The following TMEM182 variants were observed in gnomAD, a reference collection of about 807,000 sequenced individuals.
TMEM182 encodes transmembrane protein 182.
TMEM182 carries 20 observed loss-of-function variants against 26.8 expected under a neutral mutation model. The ratio of observed to expected loss-of-function variants is 0.75; its 90% CI spans 0.53 to 1.09. TMEM182 has a LOEUF of 1.09. TMEM182 is among the 50% of genes least tolerant of loss of function. TMEM182 has a pLI of 0.00. For missense variants in TMEM182, 277 were observed against 275.5 expected (o/e 1.01, Z -0.04); for synonymous variants, 109 against 102.2 (o/e 1.07, Z -0.40).
intron 3 of TMEM182, among the ~76,000 whole-genome samples, chr2:102,795,976 C>G (rs1681853077): frequency 6.6e-6 from 1 of 152,092 alleles, no homozygotes; most frequent in Non-Finnish European, 1.5e-5. Flanking sequence ...GTTGGGTCAT[C>G]ATTTGGGATT....
At chr2:102,804,050 C>T (rs781274490) in intron 4 of TMEM182, among the ~76,000 whole-genome samples, 1 of 152,254 alleles carries the variant, frequency 6.6e-6, no homozygotes, top group Non-Finnish European at 1.5e-5. Flanking sequence ...ACACTGTGGA[C>T]AAGCGCAGGG....
intron 1 of TMEM182, among the ~76,000 whole-genome samples, chr2:102,753,821 A>G (rs1229417900): frequency 2.6e-5 from 4 of 152,184 alleles, no homozygotes; most frequent in Non-Finnish European, 4.4e-5. Context: ...CTGAGCACCT[A>G]CCTTACAGCA....
At chr2:102,792,107 G>A (rs1681672110) in intron 3 of TMEM182, among the ~76,000 whole-genome samples, 1 of 150,800 alleles carries the variant, frequency 6.6e-6, no homozygotes, top group Non-Finnish European at 1.5e-5. Context: ...TCAGTTTTCA[G>A]TGTTAATATA....
intron 4 of TMEM182, among the ~76,000 whole-genome samples, chr2:102,803,714 G>A (rs928518874): frequency 5.3e-5 from 8 of 152,164 alleles, no homozygotes; most frequent in East Asian, 1.9e-4. Context: ...CATGTTGCTC[G>A]CAGAGGCTCC....
downstream of TMEM182, among the ~76,000 whole-genome samples, chr2:102,818,766 C>G (rs6719709): frequency 7.1e-5 from 9 of 125,958 alleles, no homozygotes; most frequent in Non-Finnish European, 1.2e-4. Flanking sequence ...ATCTATCTAT[C>G]TATCTATCTA....
chr2:102,837,795 GT>G (rs955927559), intron 3 of TMEM182, among the ~76,000 whole-genome samples: 14 of 152,166 alleles, frequency 9.2e-5, no homozygotes, highest in African/African-American at 3.1e-4. Flanking sequence ...ACGCAGGCTG[GT>G]TTTGTTCTCT....
chr2:102,829,007 A>C (rs1683097982), intron 3 of TMEM182, among the ~76,000 whole-genome samples: 1 of 152,204 alleles, frequency 6.6e-6, no homozygotes, highest in South Asian at 2.1e-4. Context: ...AGAAAAATAA[A>C]AGTTGTTCAT....
chr2:102,795,103 A>AT (rs1345223379), intron 3 of TMEM182, among the ~76,000 whole-genome samples: 1 of 152,044 alleles, frequency 6.6e-6, no homozygotes. Flanking sequence ...CATGGGTTTA[A>AT]TTTCAGATAT....
At chr2:102,766,572 G>A (rs1434805804) in intron 3 of TMEM182, among the ~76,000 whole-genome samples, 1 of 151,986 alleles carries the variant, frequency 6.6e-6, no homozygotes, top group African/African-American at 2.4e-5. Flanking sequence ...GTTAAATTTG[G>A]GGTTTTTTTG....
At chr2:102,814,637 G>A (rs1682675252) in intron 4 of TMEM182, 111 bp from the exon 5 acceptor site, 1 of 907,006 alleles carries the variant, frequency 1.1e-6, no homozygotes. Context: ...ATTTGATTTT[G>A]CTAGAAATGT....
chr2:102,812,351 C>T (rs552757507), intron 4 of TMEM182, among the ~76,000 whole-genome samples: 2 of 149,534 alleles, frequency 1.3e-5, no homozygotes, highest in Non-Finnish European at 3.0e-5. Flanking sequence ...TTCTCATTGT[C>T]TGTCTCTCTC....
intron 3 of TMEM182, among the ~76,000 whole-genome samples, chr2:102,772,056 T>C (rs142716197): frequency 0.012 from 1,774 of 152,316 alleles, 37 homozygotes; most frequent in Non-Finnish European, 0.014. Flanking sequence ...CACTGTGTGC[T>C]CAGCTCCAGG....
downstream of TMEM182, among the ~76,000 whole-genome samples, chr2:102,817,946 C>T (rs1682810597): frequency 6.6e-6 from 1 of 152,170 alleles, no homozygotes; most frequent in Non-Finnish European, 1.5e-5. Flanking sequence ...TTATTCAGTT[C>T]AACACGTAAT....
intron 3 of TMEM182, among the ~76,000 whole-genome samples, chr2:102,785,212 C>G (rs1681339981): frequency 6.6e-6 from 1 of 152,146 alleles, no homozygotes; most frequent in Admixed American, 6.5e-5. Flanking sequence ...AAGCTGAGCT[C>G]CTCCAAGCAC....
chr2:102,783,593 G>C (rs1396763834), intron 3 of TMEM182, among the ~76,000 whole-genome samples: 1 of 152,140 alleles, frequency 6.6e-6, no homozygotes, highest in Non-Finnish European at 1.5e-5. Flanking sequence ...TGCCCAGGGA[G>C]GTACTGCACT....
chr2:102,753,920 T>G (rs17027893), intron 1 of TMEM182, among the ~76,000 whole-genome samples: 22,012 of 152,170 alleles, frequency 0.14, 1,803 homozygotes, highest in East Asian at 0.19. Flanking sequence ...GTACTATATG[T>G]AAGACTAGAA....
chr2:102,790,515 A>C (rs765361965), intron 3 of TMEM182, among the ~76,000 whole-genome samples: 14 of 152,334 alleles, frequency 9.2e-5, no homozygotes, highest in Non-Finnish European at 1.0e-4. Flanking sequence ...CTTGCCTGTG[A>C]TAATCTTCAC....
intron 4 of TMEM182, among the ~76,000 whole-genome samples, chr2:102,814,267 C>T (rs1400224358): frequency 1.3e-5 from 2 of 152,096 alleles, no homozygotes; most frequent in Non-Finnish European, 2.9e-5. Context: ...AAGACCCGGG[C>T]TGAAAATCAG....
intron 3 of TMEM182, among the ~76,000 whole-genome samples, chr2:102,777,766 T>C (rs975185908): frequency 2.0e-5 from 3 of 151,438 alleles, no homozygotes; most frequent in African/African-American, 2.4e-5. Context: ...CTTTTTTTTT[T>C]CTTTTTCTCT....
Sources: gnomAD v4.1 joint callset for allele counts (sites outside exome capture counted in the v4.1 genomes callset) on GRCh38, gnomAD v4.1.1 for gene constraint, MANE v1.5 for transcripts, NCBI Gene and HGNC (gene_info 2026-07-23, HGNC 2026-07-21) for gene names.